Variants in LRRC74A observed in about 807,000 individuals in gnomAD.
LRRC74A encodes the protein leucine rich repeat containing 74A.
In LRRC74A, 44 loss-of-function variants were observed where a neutral mutation model predicts 57.9. The ratio of observed to expected loss-of-function variants is 0.76; its 90% CI spans 0.60 to 0.98. The LOEUF is 0.98. LRRC74A is among the 50% of genes least tolerant of loss of function. The pLI is 0.00. For synonymous variants in LRRC74A, 211 were observed against 219.4 expected, an observed-to-expected ratio of 0.96 and a Z score of 0.34; for missense variants, 572 against 574.0, an observed-to-expected ratio of 1.00 and a Z score of 0.04.
rs1358584631 is a variant in LRRC74A, at chr14:76,836,324, C to T, written c.447+10C>T. ...CTACCTCCAGGAGATGGTACTGTGC[C>T]CCCCTGTGCTGGCTCTTACCATCAT... On this transcript the variant is annotated intron_variant, in intron 4 of 13. Transcript: ENST00000689127. 6.3e-7 allele frequency: 1 copy of T among 1,578,462 alleles called. No individual in the cohort carries two copies. Among genetic ancestry groups the T allele is most frequent in the Admixed American group, 1.7e-5 (1 of 59,092 alleles).
chr14:76,852,895 G>A (rs1029141119), intron 8 of LRRC74A, among the ~76,000 whole-genome samples: 1 of 152,168 alleles, frequency 6.6e-6, no homozygotes, highest in African/African-American at 2.4e-5. Flanking sequence ...GGGATTACAG[G>A]CGTGAGCCAC....
At position 76,841,461 on chromosome 14, in the gene LRRC74A, T is replaced by G. The variant is rs151135755; in HGVS notation, c.545-2962T>G. 1.3e-3 allele frequency among the ~76,000 whole-genome samples: 201 copies of G among 152,298 alleles called. 1 individual carries two copies. The highest frequency in any genetic ancestry group is 4.7e-3 in the African/African-American group (196 of 41,566). ...AAAATAATTCTGCAATCTTGGCTAT[T>G]AGTATTGTAAGTAATAGTAGTCTTG... On this transcript the variant is annotated intron_variant, in intron 5 of 13. Transcript: ENST00000689127.
At chr14:76,865,061 G>C (rs1898672337) in intron 11 of LRRC74A, among the ~76,000 whole-genome samples, 1 of 152,332 alleles carries the variant, frequency 6.6e-6, no homozygotes, top group East Asian at 1.9e-4. Flanking sequence ...TGTTACCTCT[G>C]TGTGGTGGTA....
At chr14:76,848,925 G>C (rs1897268852) in intron 7 of LRRC74A, among the ~76,000 whole-genome samples, 1 of 152,196 alleles carries the variant, frequency 6.6e-6, no homozygotes, top group African/African-American at 2.4e-5. Context: ...ATTTCATGGT[G>C]GCATTTGAAG....
At chr14:76,858,707 C>G (rs1381636088) in intron 10 of LRRC74A, among the ~76,000 whole-genome samples, 1 of 152,120 alleles carries the variant, frequency 6.6e-6, no homozygotes, top group Non-Finnish European at 1.5e-5. Flanking sequence ...TGTGCCTCAG[C>G]CTCCAGAGTA....
intron 12 of LRRC74A, among the ~76,000 whole-genome samples, chr14:76,867,040 GCA>G (rs1295259996): frequency 1.4e-4 from 1 of 6,996 alleles, no homozygotes; most frequent in Non-Finnish European, 3.2e-4. Context: ...GTGTGTGTGT[GCA>G]TGTGGTAGTG....
chr14:76,836,871 T>C (rs1896386373), intron 4 of LRRC74A, among the ~76,000 whole-genome samples: 1 of 150,640 alleles, frequency 6.6e-6, no homozygotes, highest in Non-Finnish European at 1.5e-5. Context: ...CCAGGCATGA[T>C]GGCTCACGCC....
intron 11 of LRRC74A, among the ~76,000 whole-genome samples, chr14:76,864,215 G>A (rs1467115695): frequency 6.6e-6 from 1 of 152,142 alleles, no homozygotes; most frequent in Non-Finnish European, 1.5e-5. Context: ...TGTGGAGGAT[G>A]GAGAACTGGA....
At chr14:76,865,555 C>T (rs1196949596) in intron 11 of LRRC74A, among the ~76,000 whole-genome samples, 1 of 152,184 alleles carries the variant, frequency 6.6e-6, no homozygotes, top group African/African-American at 2.4e-5. Flanking sequence ...TGAACATCCG[C>T]GCGCCATCCA....
Position 76,844,689 on chromosome 14 carries a change from A to C in LRRC74A, c.595-131A>C, listed in dbSNP as rs1402883158. ...AGCAGCCATCAACAGTCCAACAAAA[A>C]ATGCCTAAGACATTGTCTTCACCTA... On this transcript the variant is annotated intron_variant, in intron 6 of 13. Transcript: ENST00000689127. 4 of 693,160 alleles carry C rather than the reference A, an allele frequency of 5.8e-6. No homozygotes were observed. In the Middle Eastern group the frequency reaches 9.1e-4, roughly 158 times the overall value. 42.9% of individuals were successfully genotyped at this position (693,160 alleles called of 1,614,324 possible). A position where few individuals can be genotyped will look rare whatever the true frequency, so the allele number is the denominator to read the frequency against.
intron 11 of LRRC74A, among the ~76,000 whole-genome samples, chr14:76,864,975 G>A (rs994025423): frequency 5.3e-5 from 8 of 152,210 alleles, no homozygotes; most frequent in Admixed American, 2.6e-4. Context: ...ATAGATAAAT[G>A]TTATACAGAT....
intron 13 of LRRC74A, among the ~76,000 whole-genome samples, chr14:76,867,852 C>T (rs990581737): frequency 1.3e-5 from 2 of 152,200 alleles, no homozygotes; most frequent in Non-Finnish European, 2.9e-5. Flanking sequence ...CCGAGTCTGG[C>T]AAGACGGAGA....
intron 11 of LRRC74A, among the ~76,000 whole-genome samples, chr14:76,864,970 T>G (rs1898663580): frequency 6.6e-6 from 1 of 152,174 alleles, no homozygotes; most frequent in African/African-American, 2.4e-5. Flanking sequence ...ATTAGATAGA[T>G]AAATGTTATA....
chr14:76,856,721 TGG>T (rs1897910065), intron 9 of LRRC74A, among the ~76,000 whole-genome samples: 5 of 150,034 alleles, frequency 3.3e-5, no homozygotes, highest in Non-Finnish European at 5.9e-5. Context: ...GATGGATGGA[TGG>T]ATGAGCAGTG....
chr14:76,833,344 C>A (rs1453075322), intron 3 of LRRC74A, among the ~76,000 whole-genome samples: 3 of 152,068 alleles, frequency 2.0e-5, no homozygotes, highest in African/African-American at 7.2e-5. Context: ...CACCCTTACC[C>A]ACAGTTTCAC....
At chr14:76,828,517 T>C (rs1188486980) in intron 2 of LRRC74A, 98 bp downstream of exon 2, 1 of 1,566,780 alleles carries the variant, frequency 6.4e-7, no homozygotes, top group South Asian at 1.1e-5. Context: ...TTCCAGAGTC[T>C]GCCCTGCGGA....
chr14:76,852,445 C>G lies in LRRC74A; in HGVS notation c.757C>G (p.Leu253Val), dbSNP rs775876309. The G allele has an allele frequency of 2.5e-6, 4 of 1,604,076 alleles. No individual in the cohort carries two copies. In the Admixed American group the frequency reaches 5.0e-5, roughly 20 times the overall value. The part of the protein sequence containing the change: ...TRGAVALCNG[L>V]RGNVTLTKLD... ...GGGAGCTGTGGCCTTGTGCAATGGT[C>G]TCCGGGTAAGGCACTCTCCAGGAGT... The change falls in exon 8 of 14, where the codon CTC becomes GTC. Residue 253 changes from leucine to valine, a missense_variant. Transcript: ENST00000689127.
chr14:76,866,230 A>G (rs1285158877), intron 12 of LRRC74A, among the ~76,000 whole-genome samples, 155 bp downstream of exon 12: 1 of 152,190 alleles, frequency 6.6e-6, no homozygotes, highest in Non-Finnish European at 1.5e-5. Context: ...TCATTTATCT[A>G]GACCCAGAGG....
chr14:76,840,694 C>T (rs1024720810), intron 5 of LRRC74A, among the ~76,000 whole-genome samples: 5 of 151,622 alleles, frequency 3.3e-5, no homozygotes, highest in Non-Finnish European at 7.4e-5. Context: ...CACCATTCTC[C>T]TGCCTCAGCC....
Sources: allele counts gnomAD v4.1 joint callset (sites outside exome capture counted in the v4.1 genomes callset), GRCh38; gene constraint gnomAD v4.1.1; transcripts MANE v1.5; gene names NCBI Gene and HGNC (gene_info 2026-07-23, HGNC 2026-07-21).